The following DNAJC10 variants were observed in gnomAD, a reference collection of about 807,000 sequenced individuals.
The protein encoded by DNAJC10 is DnaJ heat shock protein family (Hsp40) member C10.
A neutral mutation model predicts 115.0 loss-of-function variants in DNAJC10; 101 were observed. The ratio of observed to expected loss-of-function variants is 0.88; its 90% CI spans 0.75 to 1.04. DNAJC10 has a LOEUF of 1.04. Ranked by LOEUF, DNAJC10 falls within the 50% of genes least tolerant of loss-of-function variation. The pLI, the probability that DNAJC10 is intolerant of heterozygous loss-of-function variation, is 0.00. For missense variants in DNAJC10, 981 were observed against 928.8 expected (o/e 1.06, Z -0.73); for synonymous variants, 307 against 301.5 (o/e 1.02, Z -0.19).
At chr2:182,719,814 T>TG (rs1243438200) in intron 3 of DNAJC10, among the ~76,000 whole-genome samples, 193 bp from the exon 4 acceptor site, 1 of 150,348 alleles carries the variant, frequency 6.7e-6, no homozygotes, top group East Asian at 1.9e-4. Flanking sequence ...TTTTTTTTTT[T>TG]TTGAAGATTA....
intron 3 of DNAJC10, among the ~76,000 whole-genome samples, chr2:182,719,798 CTTT>C (rs35682380): frequency 2.5e-5 from 3 of 122,198 alleles, no homozygotes; most frequent in Non-Finnish European, 5.0e-5. Flanking sequence ...ACTTTTCTTA[CTTT>C]TTTTTTTTTT....
At chr2:182,762,854 T>C in intron 22 of DNAJC10, 53 bp downstream of exon 22, 1 of 1,572,060 alleles carries the variant, frequency 6.4e-7, no homozygotes, top group Non-Finnish European at 8.7e-7. Context: ...GCTCAAAAGA[T>C]GTGTTTCAGT....
rs288299 is a variant in DNAJC10, at chr2:182,792,562, C to T, written c.*15430C>T. The T allele has an allele frequency of 0.68, 102,622 of 151,604 alleles. 35,438 individuals carry two copies. Among genetic ancestry groups the T allele is most frequent in the African/African-American group, 0.81 (33,394 of 41,374 alleles). 9.4% of individuals were successfully genotyped at this position (151,604 alleles called of 1,614,324 possible). On this transcript the variant is annotated 3_prime_UTR_variant, in exon 24 of 24. Transcript: ENST00000264065. ...ACACCTCTTTGCTCCCCACAGATTA[C>T]AGACCTATTGGCTTAAGCAGTCCAT...
chr2:182,732,368 A>C, intron 9 of DNAJC10, 131 bp from the exon 10 acceptor site: 1 of 798,408 alleles, frequency 1.3e-6, no homozygotes, highest in Non-Finnish European at 2.2e-6. Flanking sequence ...GGATTTCCAT[A>C]TCTATCAATA....
In DNAJC10 at chr2:182,743,723, A is replaced by G. The variant is rs780372822; in HGVS notation, c.1306+11A>G. The G allele has an allele frequency of 3.9e-6, 6 of 1,521,358 alleles. No individual in the cohort carries two copies. In the South Asian group the frequency reaches 6.0e-5, roughly 15 times the overall value. The allele number at this position is 1,521,358 out of a possible 1,614,324, so 94.2% of individuals were successfully genotyped here. On this transcript the variant is annotated intron_variant, in intron 14 of 23. Coordinates refer to ENST00000264065, the MANE Select transcript of DNAJC10 (RefSeq NM_018981.4). ...ATGAAATTCATCATGGTAAGAATGG[A>G]AAAAAATGATAAAAAAAAACTTAGC...
intron 13 of DNAJC10, among the ~76,000 whole-genome samples, chr2:182,742,031 T>A (rs1400220930): frequency 1.3e-5 from 2 of 152,222 alleles, no homozygotes; most frequent in Non-Finnish European, 2.9e-5. Context: ...TATATCCATG[T>A]ACACATGTAT....
intron 6 of DNAJC10, 78 bp from the exon 7 acceptor site, chr2:182,728,785 A>G: frequency 6.5e-7 from 1 of 1,545,472 alleles, no homozygotes; most frequent in Non-Finnish European, 8.8e-7. Flanking sequence ...GTCTGGTTTA[A>G]AAATATATAG....
At chr2:182,744,174 T>G (rs1033597379) in intron 14 of DNAJC10, among the ~76,000 whole-genome samples, 12 of 152,212 alleles carry the variant, frequency 7.9e-5, no homozygotes, top group Admixed American at 2.0e-4. Flanking sequence ...AGCTCTGCAT[T>G]CATGTGAGTG....
At chr2:182,752,629 T>C in intron 16 of DNAJC10, 1 of 865,986 alleles carries the variant, frequency 1.2e-6, no homozygotes, top group South Asian at 5.4e-5. Flanking sequence ...CTCAGGTAAA[T>C]ATTCACTCCT....
At chr2:182,738,730 C>T (rs1328875048) in intron 11 of DNAJC10, among the ~76,000 whole-genome samples, 3 of 152,044 alleles carry the variant, frequency 2.0e-5, no homozygotes, top group African/African-American at 4.8e-5. Context: ...TTGGTAGAGA[C>T]GGGGTTTCAC....
chr2:182,751,643 C>T lies in DNAJC10; in HGVS notation c.1307-15C>T, dbSNP rs1438136208. 5 of 1,606,732 alleles carry T rather than the reference C, an allele frequency of 3.1e-6. No homozygotes were observed. The highest frequency in any genetic ancestry group is 2.2e-5 in the East Asian group (1 of 44,842). ...GCAGAATTTGGATTTGAATTTCTCT[C>T]ATTCACTTTGAAAGGAAAGAAGATT... On this transcript the variant is annotated splice_polypyrimidine_tract_variant and intron_variant, in intron 14 of 23. Coordinates refer to ENST00000264065, the MANE Select transcript of DNAJC10 (RefSeq NM_018981.4).
At chr2:182,762,912 A>G (rs969393783) in intron 22 of DNAJC10, 111 bp downstream of exon 22, 15 of 1,197,356 alleles carry the variant, frequency 1.3e-5, no homozygotes, top group South Asian at 7.0e-5. Context: ...ATTTTTTTAT[A>G]TTATTACATA....
intron 17 of DNAJC10, 119 bp downstream of exon 17, chr2:182,755,223 A>G: frequency 1.5e-6 from 1 of 663,530 alleles, no homozygotes. Context: ...ATTTTCTTAC[A>G]AAATGATTTT....
Position 182,728,920 on chromosome 2 carries a change from G to A in DNAJC10, c.559G>A (p.Gly187Ser), listed in dbSNP as rs1693361979. Residue 187 changes from glycine to serine, a missense_variant, in exon 7 of 24, where the codon GGT (glycine) becomes AGT (serine). Transcript: ENST00000264065. ...GLLRIGAVNC[G>S]DDRMLCRMKG... ...ACTTCGAATTGGAGCTGTTAACTGT[G>A]GTGATGATAGAATGCTTTGCCGAAT... 1 of 1,613,960 alleles carries A rather than the reference G, an allele frequency of 6.2e-7. No individual in the cohort carries two copies. Among genetic ancestry groups the A allele is most frequent in the African/African-American group, 1.3e-5 (1 of 75,018 alleles).
At chr2:182,758,948 T>G in intron 20 of DNAJC10, 58 bp downstream of exon 20, 2 of 1,309,128 alleles carry the variant, frequency 1.5e-6, no homozygotes, top group Non-Finnish European at 2.2e-6. Flanking sequence ...TTTACCCCCC[T>G]TTTATATCAA....
rs746464561 is a variant in DNAJC10 at position 182,728,915 on chromosome 2, A to T, written c.554A>T (p.Asn185Ile). The T allele has an allele frequency of 3.1e-6, 5 of 1,614,072 alleles. No homozygotes were observed. In the Admixed American group the frequency reaches 8.3e-5, roughly 27 times the overall value. ...GGGTTACTTCGAATTGGAGCTGTTAACTGTGGTGATGATAGAATGCTTTGC... is the reference window on the plus strand; with the variant it reads ...GGGTTACTTCGAATTGGAGCTGTTATCTGTGGTGATGATAGAATGCTTTGC... ...VDGLLRIGAVNCGDDRMLCRM... is the reference protein window; with the variant it reads ...VDGLLRIGAVICGDDRMLCRM... The change falls in exon 7 of 24, where the codon AAC (asparagine) becomes ATC (isoleucine). Residue 185 changes from asparagine (N) to isoleucine (I), a missense_variant. Coordinates refer to ENST00000264065, the MANE Select transcript of DNAJC10 (RefSeq NM_018981.4).
rs1419036173 is a variant in DNAJC10 at position 182,788,971 on chromosome 2, AGTG to A, written c.*11840_*11842del. ...ATTTTAAAGTAGCATACAGTTCAGT[AGTG>A]TTAAGTAATTTCACATTGTTCAACC... is the stretch of plus-strand genomic sequence containing the variant. On this transcript the variant is annotated 3_prime_UTR_variant, in exon 24 of 24. Coordinates refer to ENST00000264065, the MANE Select transcript of DNAJC10 (RefSeq NM_018981.4). The A allele has an allele frequency of 6.6e-6, 2 of 301,292 alleles. No individual in the cohort carries two copies. Among genetic ancestry groups the A allele is most frequent in the Non-Finnish European group, 1.3e-5 (2 of 155,042 alleles). 18.7% of individuals were successfully genotyped at this position (301,292 alleles called of 1,614,324 possible). A position where few individuals can be genotyped will look rare whatever the true frequency, so the allele number is the denominator to read the frequency against.
chr2:182,775,694 T>C (rs79447049), intron 23 of DNAJC10, among the ~76,000 whole-genome samples: 7,998 of 152,170 alleles, frequency 0.053, 303 homozygotes, highest in Non-Finnish European at 0.087. Flanking sequence ...GCTGTATCAT[T>C]CATAATAGCA....
intron 5 of DNAJC10, among the ~76,000 whole-genome samples, chr2:182,722,298 A>G (rs1400563646): frequency 6.6e-6 from 1 of 152,214 alleles, no homozygotes; most frequent in African/African-American, 2.4e-5. Context: ...ATACTAAATA[A>G]AAGAAATTTA....
Sources: allele counts gnomAD v4.1 joint callset (sites outside exome capture counted in the v4.1 genomes callset), GRCh38; gene constraint gnomAD v4.1.1; transcripts MANE v1.5; gene names NCBI Gene and HGNC (gene_info 2026-07-23, HGNC 2026-07-21).